The following ECSIT variants were observed in gnomAD, a reference collection of about 807,000 sequenced individuals.
ECSIT encodes evolutionarily conserved signaling intermediate in Toll pathway, mitochondrial.
A neutral mutation model predicts 36.8 loss-of-function variants in ECSIT; 29 were observed. That is an observed-to-expected ratio of 0.79 (90% CI 0.59 to 1.08). The LOEUF is 1.08. Ranked by LOEUF, ECSIT falls within the 50% of genes least tolerant of loss-of-function variation. The probability of loss-of-function intolerance (pLI) is 0.00; values close to 1 mark genes in which losing one functional copy is unlikely to be tolerated. For missense variants in ECSIT, 542 were observed against 581.0 expected, an observed-to-expected ratio of 0.93 and a Z score of 0.69; for synonymous variants, 231 against 234.8, an observed-to-expected ratio of 0.98 and a Z score of 0.15.
intron 4 of ECSIT, among the ~76,000 whole-genome samples, chr19:11,510,872 C>G (rs145187820): frequency 2.0e-5 from 3 of 151,922 alleles, no homozygotes; most frequent in Admixed American, 1.3e-4. Context: ...CCAGGAGACA[C>G]GTTTCCAATT....
intron 2 of ECSIT, among the ~76,000 whole-genome samples, chr19:11,515,391 C>T (rs372321577): frequency 5.3e-5 from 8 of 152,146 alleles, no homozygotes; most frequent in South Asian, 2.1e-4. Flanking sequence ...CATGAGCCAC[C>T]GCGCCCGGCG....
chr19:11,507,462 T>C lies in ECSIT; in HGVS notation c.1046A>G (p.Asn349Ser), dbSNP rs141979045. 43 of 1,613,724 alleles carry C rather than the reference T, an allele frequency of 2.7e-5. No individual in the cohort carries two copies. The highest frequency in any genetic ancestry group is 3.3e-4 in the Middle Eastern group (2 of 6,084). The change falls in exon 7 of 8, where the codon AAT becomes AGT. Residue 349 changes from asparagine (N) to serine (S), a missense_variant. By Grantham distance (46) the Asn-to-Ser change is conservative. Coordinates refer to ENST00000270517, the MANE Select transcript of ECSIT (RefSeq NM_016581.5). ...GCACCTGGCCCAGTTTTTACCTTCA[T>C]TGATGTCAAACTCGTAGTTGTCCCA... is the stretch of plus-strand genomic sequence containing the variant. Reference protein sequence around the residue: ...SGWDNYEFDINEVEEGPVFAM... With the variant: ...SGWDNYEFDISEVEEGPVFAM...
chr19:11,528,096 A>G (rs1183750561), intron 1 of ECSIT, among the ~76,000 whole-genome samples: 1 of 152,236 alleles, frequency 6.6e-6, no homozygotes, highest in Non-Finnish European at 1.5e-5. Context: ...TTCTGAAAGA[A>G]ACTAAGTTTA....
At chr19:11,508,796 C>T (rs1376264866) in intron 4 of ECSIT, among the ~76,000 whole-genome samples, 1 of 152,088 alleles carries the variant, frequency 6.6e-6, no homozygotes, top group African/African-American at 2.4e-5. Context: ...TCAGGTGATC[C>T]GCCTGCCTTG....
rs139592196 is a variant in ECSIT, at chr19:11,519,102, G to A, written c.69C>T (p.Ala23=). ...LCRAWGGTCG[A]ALTGTSISQV... ...GAGAGATGGAGGTTCCTGTGAGGGC[G>A]GCCCCGCAGGTGCCTCCCCAGGCCC... Residue 23 remains alanine (A), a synonymous_variant, in exon 2 of 8, where the codon GCC becomes GCT. Coordinates refer to ENST00000270517, the MANE Select transcript of ECSIT (RefSeq NM_016581.5). This position sits in a 1 kb window ranked among gnomAD's most constrained non-coding sequence, Gnocchi z 4.4. 48 of 1,551,154 alleles carry A rather than the reference G, an allele frequency of 3.1e-5. No homozygotes were observed. The highest frequency in any genetic ancestry group is 9.5e-5 in the South Asian group (8 of 84,038).
Position 11,507,747 on chromosome 19 carries a change from C to T in ECSIT, c.900G>A (p.Val300=), listed in dbSNP as rs1237349701. The T allele has an allele frequency of 2.5e-6, 4 of 1,614,072 alleles. No homozygotes were observed. Among genetic ancestry groups the T allele is most frequent in the Non-Finnish European group, 3.4e-6 (4 of 1,180,036 alleles). Residue 300 remains valine, a synonymous_variant, in exon 6 of 8, where the codon GTG becomes GTA. Coordinates refer to ENST00000270517, the MANE Select transcript of ECSIT (RefSeq NM_016581.5). ...PFSLWLRNKC[V]YYHILRADLL... ...AGTCAGCTCTGAGGATGTGGTAATA[C>T]ACACACTTGTTGCGGAGCCACAGGG... is the stretch of plus-strand genomic sequence containing the variant.
rs369757434 is a variant in ECSIT at position 11,507,761 on chromosome 19, G to A, written c.886C>T (p.Arg296Cys). Residue 296 changes from arginine (R) to cysteine (C), a missense_variant, in exon 6 of 8, where the codon CGC becomes TGC. By Grantham distance (180) the Arg-to-Cys change is radical. Transcript: ENST00000270517. ...ATGTGGTAATACACACACTTGTTGC[G>A]GAGCCACAGGGAGAAGGGGCCCTCA... ...FVEGPFSLWL[R>C]NKCVYYHILR... is the part of the protein sequence containing the mutation. The A allele has an allele frequency of 7.3e-5, 118 of 1,614,106 alleles. No individual in the cohort carries two copies. Among genetic ancestry groups the A allele is most frequent in the African/African-American group, 9.3e-5 (7 of 75,042 alleles).
intron 1 of ECSIT, among the ~76,000 whole-genome samples, chr19:11,527,544 G>A (rs1017638453): frequency 4.0e-5 from 6 of 151,888 alleles, no homozygotes; most frequent in Middle Eastern, 3.4e-3. Context: ...ATCCAGGCAT[G>A]GTGGTGAATG....
intron 1 of ECSIT, chr19:11,522,252 G>A: frequency 1.6e-6 from 1 of 623,708 alleles, no homozygotes; most frequent in Admixed American, 2.4e-5. Context: ...ACATGTACCA[G>A]GAATATTGGG....
chr19:11,524,213 C>T (rs965934721), intron 1 of ECSIT, among the ~76,000 whole-genome samples: 29 of 151,354 alleles, frequency 1.9e-4, no homozygotes, highest in Non-Finnish European at 2.5e-4. Context: ...AGCCACTGCA[C>T]CTGGCTGGAT....
rs532636702 is a variant in ECSIT, at chr19:11,520,808, G to C, written c.-23-1615C>G. Among the ~76,000 whole-genome samples the C allele has an allele frequency of 4.0e-5, 6 of 150,962 alleles. No homozygotes were observed. In the South Asian group the frequency reaches 1.3e-3, roughly 32 times the overall value. On this transcript the variant is annotated intron_variant, in intron 1 of 7. Coordinates refer to ENST00000270517, the MANE Select transcript of ECSIT (RefSeq NM_016581.5). ...TTATAGTCGTGAGCCACCGCACCCG[G>C]GCTTTTTTTTTTTTGAGATGGAGTT...
At chr19:11,506,520 T>C (rs1223608214) in intron 7 of ECSIT, 92 bp from the exon 8 acceptor site, 2 of 1,182,662 alleles carry the variant, frequency 1.7e-6, no homozygotes, top group African/African-American at 1.7e-5. Context: ...TTACACTCCC[T>C]TCCACTTCCT....
intron 1 of ECSIT, chr19:11,523,497 T>G: frequency 9.3e-7 from 1 of 1,077,364 alleles, no homozygotes; most frequent in South Asian, 1.4e-5. Flanking sequence ...TTACAAGAGG[T>G]GCTGAAGACC....
Position 11,513,895 on chromosome 19 carries a change from G to A in ECSIT, c.423C>T (p.Phe141=). Residue 141 remains phenylalanine, a synonymous_variant, in exon 3 of 8, where the codon TTC becomes TTT. Coordinates refer to ENST00000270517, the MANE Select transcript of ECSIT (RefSeq NM_016581.5). ...TGCGCTGGATGATGTTGCGAGGCCG[G>A]AAGACCTCCTTGGGGAAGATGTTGA... ...QLLNIFPKEV[F]RPRNIIQRIF... 1 of 1,614,220 alleles carries A rather than the reference G, an allele frequency of 6.2e-7. No homozygotes were observed. Among genetic ancestry groups the A allele is most frequent in the Non-Finnish European group, 8.5e-7 (1 of 1,180,044 alleles).
rs1224155019 is a variant in ECSIT, at chr19:11,519,971, A to AG, written c.-23-779dup. On this transcript the variant is annotated intron_variant, in intron 1 of 7. Transcript: ENST00000270517. The surrounding 1 kb of genome is among the most constrained non-coding windows in gnomAD (Gnocchi z 4.4). The stretch of plus-strand genomic sequence containing the variant: ...GGAACAACAGCAAAACTCCATCTCC[A>AG]GAAAAAAAAAAAAAGAAGAAAAAAA... 1 of 149,246 alleles carries AG rather than the reference A, an allele frequency of 6.7e-6. No individual in the cohort carries two copies. Among genetic ancestry groups the AG allele is most frequent in the Admixed American group, 6.7e-5 (1 of 14,858 alleles). 9.2% of individuals were successfully genotyped at this position (149,246 alleles called of 1,614,324 possible).
In ECSIT at chr19:11,519,970, CAGAAAAAAAAAAAA is replaced by C. The variant is rs1972068890; in HGVS notation, c.-23-791_-23-778del. 7.3e-6 allele frequency: 1 copy of C among 137,426 alleles called. No homozygotes were observed. Among genetic ancestry groups the C allele is most frequent in the Non-Finnish European group, 1.6e-5 (1 of 64,086 alleles). The allele number at this position is 137,426 out of a possible 1,614,324, so 8.5% of individuals were successfully genotyped here. A position where few individuals can be genotyped will look rare whatever the true frequency, so the allele number is the denominator to read the frequency against. ...GGGAACAACAGCAAAACTCCATCTC[CAGAAAAAAAAAAAA>C]AGAAGAAAAAAAAAAAAGAAAGAAA... On this transcript the variant is annotated intron_variant, in intron 1 of 7. Coordinates refer to ENST00000270517, the MANE Select transcript of ECSIT (RefSeq NM_016581.5). This position sits in a 1 kb window ranked among gnomAD's most constrained non-coding sequence, Gnocchi z 4.4.
Position 11,506,009 on chromosome 19 carries a change from C to T in ECSIT, c.*175G>A. On this transcript the variant is annotated 3_prime_UTR_variant, in exon 8 of 8. Transcript: ENST00000270517. ...GCGCCTGCAGATTCTGGAGGGGTCTCGCCTGCCCATCGCTGGCAGCCCGAG... is the reference window on the plus strand; with the variant it reads ...GCGCCTGCAGATTCTGGAGGGGTCTTGCCTGCCCATCGCTGGCAGCCCGAG... The T allele has an allele frequency of 1.7e-6, 2 of 1,161,248 alleles. No homozygotes were observed. Among genetic ancestry groups the T allele is most frequent in the African/African-American group, 1.5e-5 (1 of 65,240 alleles). The allele number at this position is 1,161,248 out of a possible 1,614,324, so 71.9% of individuals were successfully genotyped here.
intron 2 of ECSIT, among the ~76,000 whole-genome samples, chr19:11,518,102 G>T (rs1465652109): frequency 6.6e-6 from 1 of 151,244 alleles, no homozygotes; most frequent in African/African-American, 2.4e-5. Flanking sequence ...ACCAGTCTGG[G>T]CAACACAACA....
chr19:11,507,323 C>T (rs12610434), intron 7 of ECSIT, 134 bp downstream of exon 7: 3 of 698,696 alleles, frequency 4.3e-6, no homozygotes, highest in African/African-American at 1.9e-5. Context: ...ATCATGTAGG[C>T]TGGAGTGCAG....
Sources: allele counts gnomAD v4.1 joint callset (sites outside exome capture counted in the v4.1 genomes callset), GRCh38; gene constraint gnomAD v4.1.1; non-coding constraint Gnocchi (gnomAD v3.1); transcripts MANE v1.5; gene names NCBI Gene and HGNC (gene_info 2026-07-23, HGNC 2026-07-21).